The following FILIP1 variants were observed in gnomAD, a reference collection of about 807,000 sequenced individuals.
The protein encoded by FILIP1 is filamin-A-interacting protein 1.
Under a neutral mutation model 102.1 loss-of-function variants are expected in FILIP1, and 61 were observed. The observed-to-expected ratio is 0.60, with a 90% CI of 0.49 to 0.74. FILIP1 has a LOEUF of 0.74. Among genes scored for constraint, FILIP1 ranks in the 30% least tolerant of loss-of-function variants. The pLI, the probability that FILIP1 is intolerant of heterozygous loss-of-function variation, is 0.00. For missense variants in FILIP1, 1,314 were observed against 1,441.2 expected, an observed-to-expected ratio of 0.91 and a Z score of 1.43; for synonymous variants, 491 against 526.9, an observed-to-expected ratio of 0.93 and a Z score of 0.93.
At chr6:75,321,699 C>G (rs1267427712) in intron 4 of FILIP1, among the ~76,000 whole-genome samples, 4 of 151,926 alleles carry the variant, frequency 2.6e-5, no homozygotes, top group African/African-American at 9.7e-5. Flanking sequence ...GAGGCTGAGG[C>G]AGGAGAATGG....
At chr6:75,326,078 ATAGATAGATAGATAGAT>A (rs1410022096) in intron 4 of FILIP1, among the ~76,000 whole-genome samples, 104 of 140,428 alleles carry the variant, frequency 7.4e-4, no homozygotes, top group African/African-American at 2.6e-3. Flanking sequence ...TGATAGATAG[ATAGATAGATAGATAGAT>A]TAGATAGATA....
At chr6:75,356,717 C>T (rs776866642) in intron 3 of FILIP1, among the ~76,000 whole-genome samples, 1 of 152,136 alleles carries the variant, frequency 6.6e-6, no homozygotes, top group African/African-American at 2.4e-5. Flanking sequence ...GATCCACTCA[C>T]CTCTGCCTCC....
At chr6:75,377,276 G>C (rs1322047947) in intron 2 of FILIP1, among the ~76,000 whole-genome samples, 1 of 152,170 alleles carries the variant, frequency 6.6e-6, no homozygotes, top group Non-Finnish European at 1.5e-5. Flanking sequence ...TTTATGATTT[G>C]TGATTTGTTA....
chr6:75,354,399 T>C (rs930136005), intron 3 of FILIP1, among the ~76,000 whole-genome samples: 2 of 151,958 alleles, frequency 1.3e-5, no homozygotes, highest in African/African-American at 4.8e-5. Context: ...GGTGAAAACC[T>C]GTCTCTACTA....
intron 4 of FILIP1, among the ~76,000 whole-genome samples, chr6:75,342,829 A>C (rs1774457972): frequency 6.6e-6 from 1 of 152,182 alleles, no homozygotes; most frequent in Admixed American, 6.5e-5. Context: ...GGAAAAATCT[A>C]GATATTCTTT....
At chr6:75,470,161 A>C (rs1779287566) in intron 1 of FILIP1, among the ~76,000 whole-genome samples, 1 of 152,146 alleles carries the variant, frequency 6.6e-6, no homozygotes, top group African/African-American at 2.4e-5. Flanking sequence ...AGAAAGCTCA[A>C]GATAATCAAA....
At chr6:75,335,020 A>G (rs1405137354) in intron 4 of FILIP1, among the ~76,000 whole-genome samples, 1 of 152,166 alleles carries the variant, frequency 6.6e-6, no homozygotes, top group East Asian at 1.9e-4. Flanking sequence ...GAAGAATGAA[A>G]TAAAGAAAAG....
At chr6:75,351,206 G>C (rs1474842558) in intron 4 of FILIP1, among the ~76,000 whole-genome samples, 1 of 152,118 alleles carries the variant, frequency 6.6e-6, no homozygotes, top group Non-Finnish European at 1.5e-5. Flanking sequence ...TGGGATTACA[G>C]GTGCACACCA....
chr6:75,400,632 C>T (rs1456095735), intron 2 of FILIP1, among the ~76,000 whole-genome samples: 2 of 151,964 alleles, frequency 1.3e-5, no homozygotes, highest in Non-Finnish European at 2.9e-5. Context: ...CCTAGAGAAC[C>T]GCAGGAGCTT....
chr6:75,479,404 A>G (rs1211406824), intron 1 of FILIP1, among the ~76,000 whole-genome samples: 3 of 152,160 alleles, frequency 2.0e-5, no homozygotes, highest in Non-Finnish European at 4.4e-5. Flanking sequence ...TACCCTCACC[A>G]TACTGGGTAT....
chr6:75,321,552 T>C (rs1238337017), intron 4 of FILIP1, among the ~76,000 whole-genome samples: 1 of 152,030 alleles, frequency 6.6e-6, no homozygotes, highest in African/African-American at 2.4e-5. Flanking sequence ...CCCAGCACTT[T>C]GGGAGGCCGA....
At chr6:75,484,613 T>C (rs1029643588) in intron 1 of FILIP1, among the ~76,000 whole-genome samples, 1 of 152,194 alleles carries the variant, frequency 6.6e-6, no homozygotes, top group African/African-American at 2.4e-5. Flanking sequence ...AGCCCAGGCA[T>C]CTGCATTTTT....
intron 1 of FILIP1, among the ~76,000 whole-genome samples, chr6:75,440,168 C>T (rs1000080557): frequency 6.6e-6 from 1 of 152,034 alleles, no homozygotes; most frequent in Admixed American, 6.6e-5. Flanking sequence ...CCATCACGGG[C>T]TCTTTGGGCA....
At chr6:75,316,838 T>C (rs538525688) in intron 4 of FILIP1, among the ~76,000 whole-genome samples, 18 of 152,330 alleles carry the variant, frequency 1.2e-4, no homozygotes, top group African/African-American at 4.1e-4. Context: ...TTATTGACCA[T>C]GTTCTCTTTT....
chr6:75,355,457 G>A (rs1485216386), intron 3 of FILIP1, among the ~76,000 whole-genome samples: 5 of 144,470 alleles, frequency 3.5e-5, no homozygotes, highest in Non-Finnish European at 6.0e-5. Context: ...GCAGTGGCAC[G>A]ACCACGACCT....
intron 4 of FILIP1, among the ~76,000 whole-genome samples, chr6:75,326,112 G>GATAGAT (rs1562461913): frequency 6.2e-4 from 60 of 96,018 alleles, no homozygotes; most frequent in African/African-American, 2.1e-3. Context: ...GATAGATAGA[G>GATAGAT]AGATAGATAG....
intron 1 of FILIP1, among the ~76,000 whole-genome samples, chr6:75,421,879 G>A (rs1333207357): frequency 6.6e-6 from 1 of 152,122 alleles, no homozygotes; most frequent in Non-Finnish European, 1.5e-5. Context: ...CAATGGAATA[G>A]TTGGAACCAG....
chr6:75,313,734 C>G lies in FILIP1; in HGVS notation c.2098G>C (p.Val700Leu). Residue 700 changes from valine (V) to leucine (L), a missense_variant, in exon 5 of 6, where the codon GTG (valine) becomes CTG (leucine). Val to Leu is a conservative substitution (Grantham distance 32). Around this residue, in one of 3 missense-constraint regions of FILIP1, gnomAD observed 816 missense variants for 913.1 expected, o/e 0.89. Coordinates refer to ENST00000237172, the MANE Select transcript of FILIP1 (RefSeq NM_015687.5). This position sits in a 1 kb window ranked among gnomAD's most constrained non-coding sequence, Gnocchi z 4.2. ...KNKAIEKGEV[V>L]SQEAELRHRF... is the part of the protein sequence containing the mutation. ...TGTCTCAGTTCAGCTTCCTGGCTCA[C>G]AACCTCACCCTTCTCTATTGCTTTA... 6.4e-7 allele frequency: 1 copy of G among 1,571,846 alleles called. No homozygotes were observed. Among genetic ancestry groups the G allele is most frequent in the Non-Finnish European group, 8.6e-7 (1 of 1,163,742 alleles).
chr6:75,434,713 T>A (rs1451362725), intron 1 of FILIP1, among the ~76,000 whole-genome samples: 3 of 152,220 alleles, frequency 2.0e-5, no homozygotes, highest in Non-Finnish European at 4.4e-5. Context: ...GGCCAGAATT[T>A]CCAACACTAT....
Sources: gnomAD v4.1 joint callset for allele counts (sites outside exome capture counted in the v4.1 genomes callset) on GRCh38, gnomAD v4.1.1 for gene constraint, gnomAD v4.1.1 regional missense constraint, Gnocchi (gnomAD v3.1) non-coding constraint, MANE v1.5 for transcripts, NCBI Gene and HGNC (gene_info 2026-07-23, HGNC 2026-07-21) for gene names.